The following AVEN variants were observed in gnomAD, a reference collection of about 807,000 sequenced individuals.
AVEN encodes apoptosis and caspase activation inhibitor.
In AVEN, 41 loss-of-function variants were observed where a neutral mutation model predicts 38.1. The observed-to-expected ratio is 1.08, with a 90% CI of 0.84 to 1.40. AVEN has a LOEUF of 1.40. Among genes scored for constraint, AVEN ranks in the 40% most tolerant of loss-of-function variants. AVEN has a pLI of 0.00. For missense variants in AVEN, 605 were observed against 438.8 expected, an observed-to-expected ratio of 1.38 and a Z score of -3.38; for synonymous variants, 206 against 171.8, an observed-to-expected ratio of 1.20 and a Z score of -1.56.
At chr15:33,859,754 G>C (rs1262809018) in intron 11 of AVEN, 3 of 1,591,672 alleles carry the variant, frequency 1.9e-6, no homozygotes, top group Non-Finnish European at 2.6e-6. Flanking sequence ...ATTGTGTTGA[G>C]TATGAACAGG....
chr15:33,905,234 G>T (rs938064471), intron 2 of AVEN, among the ~76,000 whole-genome samples: 2 of 151,880 alleles, frequency 1.3e-5, no homozygotes, highest in African/African-American at 2.4e-5. Flanking sequence ...AAACCCACAG[G>T]CTTTGGGGTC....
At chr15:33,895,246 T>C (rs1229339363) in intron 2 of AVEN, among the ~76,000 whole-genome samples, 1 of 152,014 alleles carries the variant, frequency 6.6e-6, no homozygotes, top group Non-Finnish European at 1.5e-5. Context: ...TTTTTCACTG[T>C]TCTTCTGCAA....
intron 5 of AVEN, 60 bp downstream of exon 5, chr15:33,867,435 G>T: frequency 2.0e-6 from 3 of 1,529,940 alleles, no homozygotes; most frequent in African/African-American, 1.4e-5. Flanking sequence ...GATGCGGGCG[G>T]GGCTGTTCTT....
chr15:34,029,877 G>A (rs1030627652), intron 1 of AVEN, among the ~76,000 whole-genome samples: 3 of 152,046 alleles, frequency 2.0e-5, no homozygotes, highest in Non-Finnish European at 4.4e-5. Context: ...TGTAGTAAAA[G>A]GAAAAAATGA....
chr15:33,882,576 G>A (rs573331341), intron 2 of AVEN, among the ~76,000 whole-genome samples: 10,590 of 135,662 alleles, frequency 0.078, 521 homozygotes, highest in South Asian at 0.16. Flanking sequence ...AAAAAAAATA[G>A]AAATAAGGCT....
chr15:34,056,851 C>T (rs1900171943), intron 5 of AVEN, among the ~76,000 whole-genome samples: 1 of 152,028 alleles, frequency 6.6e-6, no homozygotes, highest in Non-Finnish European at 1.5e-5. Context: ...AGCAACATAG[C>T]GAGACCCTAT....
At chr15:34,051,765 T>C (rs191247811) in intron 5 of AVEN, among the ~76,000 whole-genome samples, 1 of 151,874 alleles carries the variant, frequency 6.6e-6, no homozygotes, top group African/African-American at 2.4e-5. Flanking sequence ...CCTGAACACA[T>C]ACACCCTCCC....
chr15:33,887,336 G>C (rs1011084400), intron 2 of AVEN, among the ~76,000 whole-genome samples: 1 of 152,152 alleles, frequency 6.6e-6, no homozygotes, highest in African/African-American at 2.4e-5. Flanking sequence ...TTGAAAACTT[G>C]TAATATTCAG....
Position 33,866,625 on chromosome 15 carries a change from G to T in AVEN, c.1077C>A (p.Ser359Arg). Residue 359 changes from serine to arginine, a missense_variant, in exon 6 of 6, where the codon AGC (serine) becomes AGA (arginine). By Grantham distance (110) the Ser-to-Arg change is moderately radical (BLOSUM62 -1). Transcript: ENST00000306730. ...TEEELEDWLD[S>R]MIS is the part of the protein sequence containing the mutation. ...TTTTTTCCCCTTTTTAGGAAATCAT[G>T]CTGTCCAACCAGTCTTCCAGCTCTT... 6.2e-7 allele frequency: 1 copy of T among 1,613,148 alleles called. No homozygotes were observed. Among genetic ancestry groups the T allele is most frequent in the Non-Finnish European group, 8.5e-7 (1 of 1,179,412 alleles).
intron 2 of AVEN, among the ~76,000 whole-genome samples, chr15:34,070,164 C>T (rs1900597672): frequency 6.6e-6 from 1 of 152,170 alleles, no homozygotes; most frequent in African/African-American, 2.4e-5. Flanking sequence ...GCTTATAAAA[C>T]CATCAGATCT....
At chr15:33,904,726 C>CACACAT (rs746434314) in intron 2 of AVEN, among the ~76,000 whole-genome samples, 232 of 149,794 alleles carry the variant, frequency 1.5e-3, no homozygotes, top group Non-Finnish European at 2.5e-3. Flanking sequence ...TACACACACA[C>CACACAT]ACGAATATGC....
At chr15:33,860,032 T>C (rs1404467569) in intron 11 of AVEN, among the ~76,000 whole-genome samples, 2 of 152,182 alleles carry the variant, frequency 1.3e-5, no homozygotes, top group Non-Finnish European at 2.9e-5. Flanking sequence ...GCTAGTCTTG[T>C]CCTCTTCATT....
intron 2 of AVEN, among the ~76,000 whole-genome samples, chr15:33,974,165 CA>C (rs2140503947): frequency 6.6e-6 from 1 of 152,066 alleles, no homozygotes; most frequent in Admixed American, 6.5e-5. Context: ...ATCGATAATC[CA>C]AAAGGATCTA....
chr15:33,953,274 TA>T (rs559902550), intron 2 of AVEN, among the ~76,000 whole-genome samples: 9 of 148,792 alleles, frequency 6.0e-5, no homozygotes, highest in Non-Finnish European at 1.2e-4. Flanking sequence ...TTCACAGAAT[TA>T]AAAAAAAAAC....
chr15:34,041,928 T>C (rs781497392), upstream of AVEN, among the ~76,000 whole-genome samples: 4 of 152,170 alleles, frequency 2.6e-5, no homozygotes, highest in Non-Finnish European at 4.4e-5. Context: ...CGGGGGTATG[T>C]TACTCTCCAT....
intron 1 of AVEN, among the ~76,000 whole-genome samples, chr15:34,036,760 C>T (rs146629083): frequency 1.1e-4 from 16 of 152,302 alleles, no homozygotes; most frequent in African/African-American, 3.8e-4. Context: ...GAATGTGTTA[C>T]AATACTATCT....
At chr15:34,032,830 G>A (rs1051669326) in intron 1 of AVEN, among the ~76,000 whole-genome samples, 2 of 152,166 alleles carry the variant, frequency 1.3e-5, no homozygotes. Context: ...TAGATGTTGA[G>A]GATGTGTAAC....
downstream of AVEN, among the ~76,000 whole-genome samples, chr15:33,863,441 A>T (rs1889255236): frequency 6.6e-6 from 1 of 152,096 alleles, no homozygotes; most frequent in Non-Finnish European, 1.5e-5. Flanking sequence ...GAAGGACATA[A>T]TTTCTACTTT....
intron 2 of AVEN, among the ~76,000 whole-genome samples, chr15:33,985,499 C>A (rs1222011093): frequency 6.8e-6 from 1 of 147,116 alleles, no homozygotes; most frequent in Non-Finnish European, 1.5e-5. Flanking sequence ...TACCTCATCC[C>A]TCAGGGTTGC....
Sources: gnomAD v4.1 joint callset for allele counts (sites outside exome capture counted in the v4.1 genomes callset) on GRCh38, gnomAD v4.1.1 for gene constraint, MANE v1.5 for transcripts, NCBI Gene and HGNC (gene_info 2026-07-23, HGNC 2026-07-21) for gene names.